The following CSMD1 variants were observed in gnomAD, a reference collection of about 807,000 sequenced individuals.
The protein encoded by CSMD1 is CUB and Sushi multiple domains 1, also known as CUB and sushi domain-containing protein 1.
CSMD1 carries 213 observed loss-of-function variants against 417.5 expected under a neutral mutation model. The observed-to-expected ratio is 0.51, with a 90% confidence interval of 0.46 to 0.57. CSMD1 has a LOEUF of 0.57. Ranked by LOEUF, CSMD1 falls within the 20% of genes least tolerant of loss-of-function variation. The probability of loss-of-function intolerance (pLI) is 0.00; values close to 1 mark genes in which losing one functional copy is unlikely to be tolerated. For missense variants in CSMD1, 6,923 were observed against 4,529.7 expected (o/e 1.53, Z -15.17); for synonymous variants, 2,862 against 1,736.8 (o/e 1.65, Z -16.11).
intron 3 of CSMD1, among the ~76,000 whole-genome samples, chr8:4,193,362 A>T (rs932958202): frequency 5.3e-5 from 8 of 152,230 alleles, no homozygotes; most frequent in African/African-American, 1.9e-4. Context: ...ATATACTGCC[A>T]GTTTAAATGT....
chr8:3,293,221 G>T (rs1803710965), intron 25 of CSMD1, among the ~76,000 whole-genome samples: 1 of 152,142 alleles, frequency 6.6e-6, no homozygotes, highest in South Asian at 2.1e-4. Flanking sequence ...GCTTCCTTTT[G>T]TGGGTAACCG....
chr8:4,635,711 T>G (rs1340133970), intron 2 of CSMD1, among the ~76,000 whole-genome samples: 1 of 152,086 alleles, frequency 6.6e-6, no homozygotes. Context: ...GCGTTGATAA[T>G]TGACAACAAA....
At chr8:3,243,113 A>G (rs1799651352) in intron 26 of CSMD1, among the ~76,000 whole-genome samples, 1 of 152,186 alleles carries the variant, frequency 6.6e-6, no homozygotes, top group Non-Finnish European at 1.5e-5. Flanking sequence ...CAAGATTGAA[A>G]GGAGAAAGTG....
rs1174297165 is a variant in CSMD1, at chr8:3,367,197, A to AATAAAC, written c.2949_2950insGTTTAT (p.Tyr983_Leu984insValTyr). 1 of 1,613,586 alleles carries AATAAAC rather than the reference A, an allele frequency of 6.2e-7. No individual in the cohort carries two copies. Among genetic ancestry groups the AATAAAC allele is most frequent in the African/African-American group, 1.3e-5 (1 of 74,912 alleles). On this transcript the variant is annotated inframe_insertion, in exon 20 of 70. Transcript: ENST00000635120. Reference sequence around the variant, plus strand: ...AAACTTCCATCCTCTGTGATCAGTAAATAGTCGTGGGAACTCTCAAGATGA... The same window carrying AATAAAC: ...AAACTTCCATCCTCTGTGATCAGTAAATAAACATAGTCGTGGGAACTCTCAAGATGA...
At position 4,161,643 on chromosome 8, in the gene CSMD1, T is replaced by C. The variant is rs76827905; in HGVS notation, c.416-129544A>G. ...TTTAAAATGTCAAAAGTTTAATGTG[T>C]TCTTCCAACGTCAACAACAGCCATA... On this transcript the variant is annotated intron_variant, in intron 3 of 69. Transcript: ENST00000635120. Among the ~76,000 whole-genome samples the C allele has an allele frequency of 6.6e-3, 1,005 of 152,276 alleles. 45 individuals are homozygous for C. The East Asian group carries it at 0.1, about 15-fold the overall frequency.
At chr8:3,862,008 C>T (rs1014632771) in intron 5 of CSMD1, among the ~76,000 whole-genome samples, 2 of 152,176 alleles carry the variant, frequency 1.3e-5, no homozygotes, top group African/African-American at 2.4e-5. Context: ...ACATCTAAAA[C>T]CAACACAATC....
intron 3 of CSMD1, among the ~76,000 whole-genome samples, chr8:4,248,138 T>C (rs1483920209): frequency 5.3e-5 from 8 of 152,196 alleles, no homozygotes; most frequent in Admixed American, 3.3e-4. Flanking sequence ...AAATGGGCTA[T>C]TTTGTAATTA....
At chr8:3,079,779 G>C (rs1442247883) in intron 49 of CSMD1, among the ~76,000 whole-genome samples, 2 of 152,090 alleles carry the variant, frequency 1.3e-5, no homozygotes, top group Non-Finnish European at 2.9e-5. Context: ...TGAAAGACTG[G>C]AGCTTAAATC....
intron 5 of CSMD1, among the ~76,000 whole-genome samples, chr8:3,894,674 G>C (rs1442575776): frequency 6.6e-6 from 1 of 152,098 alleles, no homozygotes; most frequent in Admixed American, 6.5e-5. Context: ...GAGTCTAATT[G>C]AAAAGTTCAT....
chr8:2,968,320 G>C (rs1333527378), intron 57 of CSMD1, among the ~76,000 whole-genome samples: 2 of 152,142 alleles, frequency 1.3e-5, no homozygotes, highest in African/African-American at 4.8e-5. Context: ...AACCGAAAGA[G>C]GACACTGATG....
rs190445403 is a variant in CSMD1 at position 3,929,540 on chromosome 8, G to C, written c.818+68363C>G. ...AAGTCAACGTCCATTGGCAGGAACT[G>C]GGTTGTCTGTCTATTCTGATGGAAT... On this transcript the variant is annotated intron_variant, in intron 5 of 69. Transcript: ENST00000635120. Among the ~76,000 whole-genome samples the C allele has an allele frequency of 4.7e-5, 7 of 150,482 alleles. 2 individuals carry two copies. Among genetic ancestry groups the C allele is most frequent in the African/African-American group, 1.7e-4 (7 of 40,800 alleles).
chr8:3,290,284 G>A (rs1350230497), intron 25 of CSMD1, among the ~76,000 whole-genome samples: 3 of 146,868 alleles, frequency 2.0e-5, no homozygotes, highest in African/African-American at 8.1e-5. Flanking sequence ...TTGTTCTTTT[G>A]GCTTAGGATT....
intron 3 of CSMD1, among the ~76,000 whole-genome samples, chr8:4,169,454 C>CA (rs1369812327): frequency 2.0e-5 from 3 of 152,142 alleles, no homozygotes; most frequent in African/African-American, 7.2e-5. Flanking sequence ...TAGTTTTCTT[C>CA]AACATATCCC....
intron 38 of CSMD1, among the ~76,000 whole-genome samples, chr8:3,159,650 G>A (rs1397636310): frequency 6.6e-6 from 1 of 151,966 alleles, no homozygotes; most frequent in African/African-American, 2.4e-5. Flanking sequence ...TTGCTCATGT[G>A]AATGACAAAC....
intron 2 of CSMD1, among the ~76,000 whole-genome samples, chr8:4,473,915 A>C (rs1166187078): frequency 6.6e-6 from 1 of 152,178 alleles, no homozygotes; most frequent in East Asian, 1.9e-4. Context: ...AGAACAAACT[A>C]ATCAATAAAT....
At chr8:3,273,205 T>G (rs1045870905) in intron 26 of CSMD1, among the ~76,000 whole-genome samples, 6 of 151,014 alleles carry the variant, frequency 4.0e-5, no homozygotes, top group Non-Finnish European at 8.9e-5. Flanking sequence ...GGTTTTTGTC[T>G]TTGGTTCTGT....
At chr8:4,296,533 C>A (rs1216532128) in intron 3 of CSMD1, among the ~76,000 whole-genome samples, 1 of 151,926 alleles carries the variant, frequency 6.6e-6, no homozygotes, top group African/African-American at 2.4e-5. Context: ...TGATGTTAAG[C>A]ATTATTCACT....
chr8:4,038,501 C>T (rs62502693), intron 3 of CSMD1, among the ~76,000 whole-genome samples: 158 of 152,254 alleles, frequency 1.0e-3, no homozygotes, highest in Non-Finnish European at 1.9e-3. Context: ...TTATTTCAAC[C>T]CAATGTCATT....
At chr8:4,874,983 T>TTTCCC (rs963026902) in intron 1 of CSMD1, among the ~76,000 whole-genome samples, 3 of 151,782 alleles carry the variant, frequency 2.0e-5, no homozygotes, top group African/African-American at 7.3e-5. Context: ...TATTTCCTTC[T>TTTCCC]TTCCCTTCCC....
Sources: allele counts gnomAD v4.1 joint callset (sites outside exome capture counted in the v4.1 genomes callset), GRCh38; gene constraint gnomAD v4.1.1; transcripts MANE v1.5; gene names NCBI Gene and HGNC (gene_info 2026-07-23, HGNC 2026-07-21).